Variants in KIAA1671 observed in about 807,000 individuals in gnomAD.
The protein encoded by KIAA1671 is uncharacterized protein KIAA1671.
In KIAA1671, 52 loss-of-function variants were observed where a neutral mutation model predicts 131.2. That is an observed-to-expected ratio of 0.40 (90% CI 0.32 to 0.50). KIAA1671 has a LOEUF of 0.50. KIAA1671 is among the 20% of genes least tolerant of loss of function. KIAA1671 has a pLI of 0.73. For missense variants in KIAA1671, 2,360 were observed against 2,364.2 expected (o/e 1.00, Z 0.04); for synonymous variants, 1,003 against 961.6 (o/e 1.04, Z -0.80).
intron 6 of KIAA1671, among the ~76,000 whole-genome samples, chr22:25,082,640 C>T (rs1929473963): frequency 6.6e-6 from 1 of 152,110 alleles, no homozygotes; most frequent in African/African-American, 2.4e-5. Context: ...AGAGACCAGC[C>T]TGGGTAACAT....
intron 6 of KIAA1671, chr22:25,062,816 C>T (rs1928234417): frequency 1.2e-5 from 1 of 86,702 alleles, no homozygotes; most frequent in African/African-American, 5.4e-5. Flanking sequence ...CAACCGGCAC[C>T]CACCCCCGCC....
chr22:25,098,136 G>A (rs1930479650), intron 6 of KIAA1671, among the ~76,000 whole-genome samples: 2 of 152,320 alleles, frequency 1.3e-5, no homozygotes, highest in Admixed American at 6.5e-5. Flanking sequence ...ACTGTGATGG[G>A]AGAAGCCCAG....
intron 7 of KIAA1671, among the ~76,000 whole-genome samples, chr22:25,173,348 T>C (rs983362826): frequency 1.3e-5 from 2 of 152,304 alleles, no homozygotes; most frequent in East Asian, 3.9e-4. Flanking sequence ...CATAGGATTA[T>C]TGGAGAGGAC....
At chr22:25,187,272 A>G (rs1239293212) in intron 11 of KIAA1671, among the ~76,000 whole-genome samples, 1 of 152,198 alleles carries the variant, frequency 6.6e-6, no homozygotes, top group African/African-American at 2.4e-5. Context: ...AGAAAATACA[A>G]AAAGAATACA....
intron 1 of KIAA1671, among the ~76,000 whole-genome samples, chr22:25,022,439 TG>T (rs1925726163): frequency 6.6e-6 from 1 of 152,060 alleles, no homozygotes; most frequent in Non-Finnish European, 1.5e-5. Context: ...ACCTGGTGCT[TG>T]GGAGGGAGGC....
intron 6 of KIAA1671, among the ~76,000 whole-genome samples, chr22:25,164,978 C>CGTGTGTGTGT (rs59765745): frequency 0.013 from 1,458 of 116,584 alleles, 38 homozygotes; most frequent in South Asian, 0.017. Context: ...GAGTTGCAGG[C>CGTGTGTGTGT]GTGTGTGTGT....
chr22:25,088,576 G>A (rs919981269), intron 6 of KIAA1671, among the ~76,000 whole-genome samples: 1 of 152,172 alleles, frequency 6.6e-6, no homozygotes, highest in African/African-American at 2.4e-5. Flanking sequence ...TTCACACACT[G>A]GAGGGAATTT....
chr22:25,155,896 T>G (rs1933217710), intron 6 of KIAA1671, among the ~76,000 whole-genome samples: 1 of 150,372 alleles, frequency 6.7e-6, no homozygotes, highest in Admixed American at 6.6e-5. Flanking sequence ...TTTGTGTATG[T>G]GTATGTATAT....
chr22:25,127,881 A>G (rs1317863212), intron 6 of KIAA1671, among the ~76,000 whole-genome samples: 1 of 152,172 alleles, frequency 6.6e-6, no homozygotes, highest in African/African-American at 2.4e-5. Context: ...TGGTTGAAAA[A>G]TGGTTTCTGA....
At position 25,093,752 on chromosome 22, in the gene KIAA1671, C is replaced by CTCTT. The variant is rs1171902641; in HGVS notation, c.4530+44391_4530+44392insTTCT. 1.8e-3 allele frequency among the ~76,000 whole-genome samples: 99 copies of CTCTT among 54,294 alleles called. 2 individuals are homozygous for CTCTT. The highest frequency in any genetic ancestry group is 3.7e-3 in the African/African-American group (36 of 9,744). 35.6% of individuals were successfully genotyped at this position (54,294 alleles called of 152,430 possible). ...ACACACACACACTCTCTCTCTCTCT[C>CTCTT]TCTCTCTCTCTCTCTGTCTCTCTCT... is the stretch of plus-strand genomic sequence containing the variant. On this transcript the variant is annotated intron_variant, in intron 6 of 12. Transcript: ENST00000358431.
At chr22:25,139,924 TG>T (rs1932782280) in intron 6 of KIAA1671, among the ~76,000 whole-genome samples, 1 of 152,206 alleles carries the variant, frequency 6.6e-6, no homozygotes, top group Admixed American at 6.5e-5. Flanking sequence ...TGGAGGTCTT[TG>T]TGGCCAGGTG....
intron 10 of KIAA1671, 150 bp downstream of exon 10, chr22:25,181,973 C>T (rs1479771703): frequency 2.4e-5 from 18 of 750,488 alleles, no homozygotes; most frequent in Non-Finnish European, 3.5e-5. Flanking sequence ...ATCAGGAGAT[C>T]GAGACCATCC....
At chr22:25,121,976 G>A (rs918533810) in intron 6 of KIAA1671, among the ~76,000 whole-genome samples, 2 of 152,172 alleles carry the variant, frequency 1.3e-5, no homozygotes, top group Non-Finnish European at 2.9e-5. Context: ...AGTGAATTGT[G>A]GGATCTGGGA....
chr22:25,116,686 G>T (rs1050927052), intron 6 of KIAA1671, among the ~76,000 whole-genome samples: 1 of 152,122 alleles, frequency 6.6e-6, no homozygotes, highest in African/African-American at 2.4e-5. Context: ...CTCCCAAAGT[G>T]CTGAGATTAC....
In KIAA1671 at chr22:25,041,091, AAAAC is replaced by A. The variant is rs1926900079; in HGVS notation, c.3962_3965del (p.Lys1321ArgfsTer192). On this transcript the variant is annotated frameshift_variant, in exon 5 of 13. Transcript: ENST00000358431. LOFTEE classifies it high-confidence loss of function. ...TCCTATACCTGCGGATCCCAGGAAA[AAAAC>A]GGGGTTTGCTGAGGATGACAGAAAG... 1 of 1,542,592 alleles carries A rather than the reference AAAAC, an allele frequency of 6.5e-7. No individual in the cohort carries two copies. Among genetic ancestry groups the A allele is most frequent in the African/African-American group, 1.4e-5 (1 of 72,804 alleles).
chr22:25,026,538 C>T (rs1925952281), intron 2 of KIAA1671, among the ~76,000 whole-genome samples: 13 of 152,116 alleles, frequency 8.5e-5, no homozygotes. Context: ...CGAGACCAGC[C>T]TGGCCAACAT....
chr22:25,077,681 G>A (rs1049601487), intron 6 of KIAA1671, among the ~76,000 whole-genome samples: 4 of 152,164 alleles, frequency 2.6e-5, no homozygotes, highest in African/African-American at 9.7e-5. Context: ...TGCAGGGTCC[G>A]TGTTCCATGC....
At chr22:25,157,129 C>T (rs772764634) in intron 6 of KIAA1671, among the ~76,000 whole-genome samples, 7 of 152,178 alleles carry the variant, frequency 4.6e-5, no homozygotes, top group East Asian at 1.9e-4. Flanking sequence ...TGCTGGGAAA[C>T]GTAAAAGAAT....
At chr22:25,071,095 T>G (rs1216308803) in intron 6 of KIAA1671, among the ~76,000 whole-genome samples, 4 of 152,232 alleles carry the variant, frequency 2.6e-5, no homozygotes, top group Non-Finnish European at 5.9e-5. Flanking sequence ...TTCTGTTTCC[T>G]CCTCTGTGAA....
Sources: gnomAD v4.1 joint callset for allele counts (sites outside exome capture counted in the v4.1 genomes callset) on GRCh38, gnomAD v4.1.1 for gene constraint, MANE v1.5 for transcripts, NCBI Gene and HGNC (gene_info 2026-07-23, HGNC 2026-07-21) for gene names.